Variants in MBP observed in about 807,000 individuals in gnomAD.
MBP encodes the protein myelin basic protein.
Under a neutral mutation model 35.8 loss-of-function variants are expected in MBP, and 16 were observed. That is an observed-to-expected ratio of 0.45 (90% CI 0.30 to 0.68). The LOEUF (loss-of-function observed/expected upper bound fraction) is 0.68. Among genes scored for constraint, MBP ranks in the 30% least tolerant of loss-of-function variants. The pLI is 0.08. For synonymous variants in MBP, 143 were observed against 159.6 expected (o/e 0.90, Z 0.78); for missense variants, 380 against 404.7 (o/e 0.94, Z 0.52).
Position 76,980,269 on chromosome 18 carries a change from G to T in MBP, c.*158C>A, listed in dbSNP as rs1439458377. 6.7e-6 allele frequency: 5 copies of T among 749,956 alleles called. No individual in the cohort carries two copies. The highest frequency in any genetic ancestry group is 1.7e-5 in the African/African-American group (1 of 57,706). 46.5% of individuals were successfully genotyped at this position (749,956 alleles called of 1,614,324 possible). A position where few individuals can be genotyped will look rare whatever the true frequency, so the allele number is the denominator to read the frequency against. ...ATTTAACTGTTGGCCGGAAATTGCC[G>T]GTAGGCTGCCGTGGCCTGACCCTAC... On this transcript the variant is annotated 3_prime_UTR_variant, in exon 9 of 9. Transcript: ENST00000355994.
chr18:77,015,136 T>G (rs1180667525), intron 4 of MBP: 1 of 984,078 alleles, frequency 1.0e-6, no homozygotes, highest in Non-Finnish European at 1.2e-6. Context: ...TGTTTTGAGA[T>G]AAAGTCACAA....
chr18:77,081,883 G>A (rs1337861672), intron 2 of MBP, among the ~76,000 whole-genome samples: 1 of 48,382 alleles, frequency 2.1e-5, no homozygotes, highest in African/African-American at 6.1e-5. Flanking sequence ...ACGGAGTCTC[G>A]CTCTGTCGCA....
intron 3 of MBP, among the ~76,000 whole-genome samples, chr18:77,023,945 G>A (rs542912225): frequency 1.6e-4 from 25 of 152,270 alleles, no homozygotes; most frequent in Middle Eastern, 3.4e-3. Flanking sequence ...GGATGGTGTG[G>A]GGCCTCCACA....
chr18:76,997,604 G>T (rs1970346190), intron 4 of MBP, among the ~76,000 whole-genome samples: 1 of 152,252 alleles, frequency 6.6e-6, no homozygotes, highest in African/African-American at 2.4e-5. Flanking sequence ...GAAAAGCCCA[G>T]GAGCACGCCT....
intron 1 of MBP, among the ~76,000 whole-genome samples, chr18:77,112,101 CTG>C (rs1261673069): frequency 6.6e-6 from 1 of 152,028 alleles, no homozygotes; most frequent in African/African-American, 2.4e-5. Context: ...TTGTAACACT[CTG>C]TGTTCGGAGC....
rs1250451458 is a variant in MBP, at chr18:77,015,179, C to G, written c.576+1653G>C. The G allele has an allele frequency of 4.1e-6, 4 of 985,068 alleles. No homozygotes were observed. The African/African-American group carries it at 7.0e-5, about 17-fold the overall frequency. 61.0% of individuals were successfully genotyped at this position (985,068 alleles called of 1,614,324 possible). A position where few individuals can be genotyped will look rare whatever the true frequency, so the allele number is the denominator to read the frequency against. Reference sequence around the variant, plus strand: ...TATCAATGCTTTCACCATTTTATTTCAACTTAAACCAGTGTCACTCACATG... The same window carrying G: ...TATCAATGCTTTCACCATTTTATTTGAACTTAAACCAGTGTCACTCACATG... On this transcript the variant is annotated intron_variant, in intron 4 of 8. Transcript: ENST00000355994.
intron 4 of MBP, among the ~76,000 whole-genome samples, chr18:76,996,251 A>G (rs1970263567): frequency 6.6e-6 from 1 of 152,242 alleles, no homozygotes; most frequent in Non-Finnish European, 1.5e-5. Context: ...AGTTAACCCT[A>G]TACTTACCAT....
intron 4 of MBP, chr18:77,014,616 C>T (rs924099694): frequency 2.0e-6 from 2 of 985,302 alleles, no homozygotes; most frequent in South Asian, 4.7e-5. Flanking sequence ...GCAGCCCACC[C>T]AATGAATACC....
At chr18:77,040,335 C>T (rs1411347580) in intron 3 of MBP, among the ~76,000 whole-genome samples, 5 of 152,118 alleles carry the variant, frequency 3.3e-5, no homozygotes, top group East Asian at 1.9e-4. Context: ...GAATCAATAT[C>T]GTGAAAATGG....
intron 3 of MBP, among the ~76,000 whole-genome samples, chr18:77,051,302 G>A (rs78352317): frequency 1.3e-5 from 2 of 152,352 alleles, no homozygotes; most frequent in Admixed American, 6.5e-5. Context: ...ACTTGCGGGC[G>A]AATGACGCGA....
At chr18:77,019,103 G>T (rs545527834) in intron 3 of MBP, among the ~76,000 whole-genome samples, 2 of 151,378 alleles carry the variant, frequency 1.3e-5, no homozygotes, top group East Asian at 1.9e-4. Flanking sequence ...GTACCAAATA[G>T]GTGTAATGTA....
rs1387496108 is a variant in MBP at position 76,988,902 on chromosome 18, C to G, written c.692G>C (p.Arg231Pro). ...CTTTCCCTGCGACGGGGGTGGTGTGCGAGGCGTCACCTGGAAAGACACAGA... is the reference window on the plus strand; with the variant it reads ...CTTTCCCTGCGACGGGGGTGGTGTGGGAGGCGTCACCTGGAAAGACACAGA... ...VHFFKNIVTP[R>P]TPPPSQGKGR... Residue 231 changes from arginine to proline, a missense_variant, in exon 6 of 9, where the codon CGC becomes CCC. Physicochemically the swap from Arg to Pro is moderately radical, Grantham distance 103 (BLOSUM62 -2). Transcript: ENST00000355994. The surrounding 1 kb of genome is among the most constrained non-coding windows in gnomAD (Gnocchi z 5.2). The G allele has an allele frequency of 6.2e-7, 1 of 1,613,902 alleles. No homozygotes were observed. The highest frequency in any genetic ancestry group is 8.5e-7 in the Non-Finnish European group (1 of 1,179,866).
chr18:76,998,087 G>A (rs576390913), intron 4 of MBP, among the ~76,000 whole-genome samples: 1 of 152,226 alleles, frequency 6.6e-6, no homozygotes, highest in Admixed American at 6.5e-5. Flanking sequence ...CATCACATTC[G>A]CACTGTTGTA....
At chr18:77,040,744 T>G (rs1406849479) in intron 3 of MBP, among the ~76,000 whole-genome samples, 2 of 152,130 alleles carry the variant, frequency 1.3e-5, no homozygotes, top group Non-Finnish European at 2.9e-5. Flanking sequence ...AAAGCTGAAA[T>G]TGGATCCCTT....
chr18:76,988,893 G>A lies in MBP; in HGVS notation c.701C>T (p.Pro234Leu). 1 of 1,613,980 alleles carries A rather than the reference G, an allele frequency of 6.2e-7. No individual in the cohort carries two copies. Among genetic ancestry groups the A allele is most frequent in the Non-Finnish European group, 8.5e-7 (1 of 1,179,914 alleles). The change falls in exon 6 of 9, where the codon CCC (proline) becomes CTC (leucine). Residue 234 changes from proline to leucine, a missense_variant. Transcript: ENST00000355994. The surrounding 1 kb of genome is among the most constrained non-coding windows in gnomAD (Gnocchi z 5.2). ...AGGTCTTACCTTTCCCTGCGACGGG[G>A]GTGGTGTGCGAGGCGTCACCTGGAA... ...FKNIVTPRTP[P>L]PSQGKGRGLS...
intron 3 of MBP, among the ~76,000 whole-genome samples, chr18:77,065,481 G>C (rs1446411210): frequency 1.3e-5 from 2 of 152,186 alleles, no homozygotes; most frequent in Non-Finnish European, 2.9e-5. Context: ...ACGAAATGTA[G>C]GGGACACATT....
chr18:76,988,994 G>T lies in MBP; in HGVS notation c.682-82C>A. 7.2e-7 allele frequency: 1 copy of T among 1,381,730 alleles called. No individual in the cohort carries two copies. Among genetic ancestry groups the T allele is most frequent in the Non-Finnish European group, 1.0e-6 (1 of 968,188 alleles). 85.6% of individuals were successfully genotyped at this position (1,381,730 alleles called of 1,614,324 possible). Reference sequence around the variant, plus strand: ...TCCTAACGGGCTCCTGCCTGCTGAGGGTGGCTAGCATCCATCAGCTGCCAG... The same window carrying T: ...TCCTAACGGGCTCCTGCCTGCTGAGTGTGGCTAGCATCCATCAGCTGCCAG... On this transcript the variant is annotated intron_variant, in intron 5 of 8. Coordinates refer to ENST00000355994, the MANE Select transcript of MBP (RefSeq NM_001025101.2). The surrounding 1 kb of genome is among the most constrained non-coding windows in gnomAD (Gnocchi z 5.2).
chr18:77,105,579 ATATC>A (rs5826495), intron 1 of MBP, among the ~76,000 whole-genome samples: 1,820 of 152,322 alleles, frequency 0.012, 23 homozygotes, highest in African/African-American at 0.04. Context: ...ATGTACAGAA[ATATC>A]TATCTATTCA....
chr18:77,010,187 AG>A, intron 4 of MBP: 1 of 519,892 alleles, frequency 1.9e-6, no homozygotes, highest in Non-Finnish European at 3.5e-6. Flanking sequence ...CGAGAGCAAA[AG>A]GAAAGTTTAG....
Sources: gnomAD v4.1 joint callset for allele counts (sites outside exome capture counted in the v4.1 genomes callset) on GRCh38, gnomAD v4.1.1 for gene constraint, Gnocchi (gnomAD v3.1) non-coding constraint, MANE v1.5 for transcripts, NCBI Gene and HGNC (gene_info 2026-07-23, HGNC 2026-07-21) for gene names.